TMOD4: variants seen among roughly 807,000 people sequenced by gnomAD.
TMOD4 encodes tropomodulin 4.
In TMOD4, 34 loss-of-function variants were observed where a neutral mutation model predicts 45.4. The observed-to-expected ratio is 0.75, with a 90% CI of 0.57 to 1.00. The LOEUF (loss-of-function observed/expected upper bound fraction) is 1.00, where lower values mean the gene tolerates loss of function less well. TMOD4 is among the 50% of genes least tolerant of loss of function. The pLI is 0.00. For synonymous variants in TMOD4, 131 were observed against 153.9 expected (o/e 0.85, Z 1.10); for missense variants, 399 against 437.5 (o/e 0.91, Z 0.78).
intron 4 of TMOD4, among the ~76,000 whole-genome samples, chr1:151,173,111 G>A (rs1028476403): frequency 1.3e-5 from 2 of 151,958 alleles, no homozygotes; most frequent in Non-Finnish European, 2.9e-5. Context: ...GTGAGCCACC[G>A]CACCCGGCCA....
chr1:151,172,052 T>C (rs760378130), intron 5 of TMOD4, among the ~76,000 whole-genome samples: 3 of 152,128 alleles, frequency 2.0e-5, no homozygotes, highest in Non-Finnish European at 4.4e-5. Flanking sequence ...CAGGCTGGTC[T>C]TGAACTCCTG....
rs1287766252 is a variant in TMOD4, at chr1:151,171,020, A to G, written c.770T>C (p.Leu257Pro). The change falls in exon 8 of 10, where the codon CTA (leucine) becomes CCA (proline). Residue 257 changes from leucine to proline, a missense_variant. Coordinates refer to ENST00000295314, the MANE Select transcript of TMOD4 (RefSeq NM_013353.3). ...GCTAATGAAGTTGGATTCGATGTTT[A>G]GGCTCTGGAGGCTACGATTCTCACG... ...MLRENRSLQS[L>P]NIESNFISST... is the part of the protein sequence containing the mutation. 3 of 1,614,164 alleles carry G rather than the reference A, an allele frequency of 1.9e-6. No individual in the cohort carries two copies. In the South Asian group the frequency reaches 3.3e-5, roughly 18 times the overall value.
At chr1:151,174,359 T>C (rs1199174716) in intron 3 of TMOD4, 32 bp downstream of exon 3, 8 of 1,605,998 alleles carry the variant, frequency 5.0e-6, no homozygotes, top group Non-Finnish European at 6.8e-6. Flanking sequence ...CCACTTGGGT[T>C]CTACGAGGCA....
At position 151,172,162 on chromosome 1, in the gene TMOD4, G is replaced by C; in HGVS notation, c.487+106C>G. 8 of 938,598 alleles carry C rather than the reference G, an allele frequency of 8.5e-6. No individual in the cohort carries two copies. In the South Asian group the frequency reaches 1.2e-4, roughly 14 times the overall value. The allele number at this position is 938,598 out of a possible 1,614,324, so 58.1% of individuals were successfully genotyped here. A position where few individuals can be genotyped will look rare whatever the true frequency, so the allele number is the denominator to read the frequency against. ...CACAGGTTTTCTTATCACTCATGCA[G>C]CATGTCCTCTCCCAGAATCATCAAT... On this transcript the variant is annotated intron_variant, in intron 5 of 9. Coordinates refer to ENST00000295314, the MANE Select transcript of TMOD4 (RefSeq NM_013353.3).
chr1:151,171,604 T>C (rs1450517409), intron 6 of TMOD4, 29 bp downstream of exon 6: 10 of 1,614,040 alleles, frequency 6.2e-6, no homozygotes, highest in African/African-American at 5.3e-5. Flanking sequence ...TTATCCGGTG[T>C]TATGGTTTGG....
intron 9 of TMOD4, 40 bp from the exon 10 acceptor site, chr1:151,170,143 C>G: frequency 1.2e-6 from 2 of 1,613,560 alleles, no homozygotes; most frequent in South Asian, 2.2e-5. Flanking sequence ...TTTGTTCCAG[C>G]TCCTGCTTTC....
intron 3 of TMOD4, among the ~76,000 whole-genome samples, chr1:151,174,012 G>A (rs953694942): frequency 5.3e-5 from 8 of 152,034 alleles, no homozygotes; most frequent in Admixed American, 1.3e-4. Flanking sequence ...TCAGGAGATC[G>A]AGACCATCCT....
chr1:151,170,769 G>A, intron 8 of TMOD4, 106 bp from the exon 9 acceptor site: 1 of 1,526,058 alleles, frequency 6.6e-7, no homozygotes, highest in Non-Finnish European at 8.9e-7. Flanking sequence ...TCTCCACAGT[G>A]GGTGAAGAGA....
At chr1:151,173,056 C>T (rs1684006492) in intron 4 of TMOD4, among the ~76,000 whole-genome samples, 1 of 152,006 alleles carries the variant, frequency 6.6e-6, no homozygotes, top group African/African-American at 2.4e-5. Flanking sequence ...CTCCTGACCT[C>T]GTGATCCACC....
rs780042674 is a variant in TMOD4 at position 151,174,516 on chromosome 1, CGTT to C, written c.152_154del (p.Gln51del). 1 of 1,614,134 alleles carries C rather than the reference CGTT, an allele frequency of 6.2e-7. No individual in the cohort carries two copies. The highest frequency in any genetic ancestry group is 1.1e-5 in the South Asian group (1 of 91,082). ...CGTTGGGCTCTTCTTTGTCTGGTCA[CGTT>C]GTCTTAGTCCAGCTGGCAGGAGCAT... On this transcript the variant is annotated inframe_deletion, in exon 3 of 10. Transcript: ENST00000295314.
chr1:151,175,166 G>A (rs182105186), intron 1 of TMOD4: 82 of 362,778 alleles, frequency 2.3e-4, no homozygotes, highest in African/African-American at 1.6e-3. Context: ...GTCTTCCCAC[G>A]GTATGACAGA....
At chr1:151,172,457 C>A (rs1009671432) in intron 4 of TMOD4, 100 bp from the exon 5 acceptor site, 6 of 926,042 alleles carry the variant, frequency 6.5e-6, no homozygotes, top group African/African-American at 1.6e-5. Context: ...TAAAGCCTGA[C>A]CACTTACACT....
At chr1:151,172,872 A>G (rs965108231) in intron 4 of TMOD4, among the ~76,000 whole-genome samples, 4 of 151,744 alleles carry the variant, frequency 2.6e-5, no homozygotes, top group African/African-American at 9.7e-5. Context: ...CCCAGGCTGG[A>G]GTGCAGTGGC....
chr1:151,172,420 T>TA (rs1287456978), intron 4 of TMOD4, 63 bp from the exon 5 acceptor site: 56 of 1,284,644 alleles, frequency 4.4e-5, no homozygotes, highest in Non-Finnish European at 6.0e-5. Context: ...GCCTCCCTCC[T>TA]ACCTATTTCT....
Position 151,170,952 on chromosome 1 carries a change from C to T in TMOD4, c.838G>A (p.Ala280Thr). The part of the protein sequence containing the change: ...MAVLKAVREN[A>T]TLTELRVDNQ... ...TCTACACGGAGCTCAGTGAGTGTGG[C>T]ATTTTCCCGAACTGCCTTCAGCACA... is the stretch of plus-strand genomic sequence containing the variant. The change falls in exon 8 of 10, where the codon GCC (alanine) becomes ACC (threonine). Residue 280 changes from alanine to threonine, a missense_variant. Coordinates refer to ENST00000295314, the MANE Select transcript of TMOD4 (RefSeq NM_013353.3). The T allele has an allele frequency of 6.2e-7, 1 of 1,614,168 alleles. No homozygotes were observed. The highest frequency in any genetic ancestry group is 8.5e-7 in the Non-Finnish European group (1 of 1,180,034).
rs770289499 is a variant in TMOD4 at position 151,174,865 on chromosome 1, TATG to T, written c.8_10del (p.Ser3del). ...TCTGTATTTCTCCAGTTCCTTCTGA[TATG>T]ATGACATGGTGGCCCCCACCCCCTC... On this transcript the variant is annotated inframe_deletion, in exon 2 of 10. Coordinates refer to ENST00000295314, the MANE Select transcript of TMOD4 (RefSeq NM_013353.3). 25 of 1,614,228 alleles carry T rather than the reference TATG, an allele frequency of 1.5e-5. No homozygotes were observed. In the East Asian group the frequency reaches 5.6e-4, roughly 36 times the overall value.
Position 151,170,115 on chromosome 1 carries a change from C to T in TMOD4, c.1016-12G>A, listed in dbSNP as rs771308640. ...CTTTTGCTGGCGACCTGTAAAGGAG[C>T]AATATTAAACATAAGTGTTTGTTCC... On this transcript the variant is annotated splice_polypyrimidine_tract_variant and intron_variant, in intron 9 of 9. Coordinates refer to ENST00000295314, the MANE Select transcript of TMOD4 (RefSeq NM_013353.3). The T allele has an allele frequency of 1.9e-6, 3 of 1,614,086 alleles. No individual in the cohort carries two copies. Among genetic ancestry groups the T allele is most frequent in the South Asian group, 2.2e-5 (2 of 91,070 alleles).
intron 2 of TMOD4, 60 bp from the exon 3 acceptor site, chr1:151,174,607 G>C: frequency 6.2e-7 from 1 of 1,600,690 alleles, no homozygotes; most frequent in Non-Finnish European, 8.5e-7. Flanking sequence ...TACTGCTAGG[G>C]CTCCCTAAAA....
chr1:151,170,558 C>G lies in TMOD4; in HGVS notation c.976G>C (p.Ala326Pro), dbSNP rs1415461588. 1.2e-6 allele frequency: 2 copies of G among 1,614,222 alleles called. No individual in the cohort carries two copies. Among genetic ancestry groups the G allele is most frequent in the South Asian group, 2.2e-5 (2 of 91,086 alleles). ...CGGGTCATGGCCTGGGCTGCCCGAGCTCGTGGCCCCTGCTGTGTAAAGTGG... is the reference window on the plus strand; with the variant it reads ...CGGGTCATGGCCTGGGCTGCCCGAGGTCGTGGCCCCTGCTGTGTAAAGTGG... Reference protein sequence around the residue: ...GYHFTQQGPRARAAQAMTRNN... With the variant: ...GYHFTQQGPRPRAAQAMTRNN... The change falls in exon 9 of 10, where the codon GCT (alanine) becomes CCT (proline). Residue 326 changes from alanine (A) to proline (P), a missense_variant. Ala to Pro is a conservative substitution (Grantham distance 27). Transcript: ENST00000295314.
Sources: allele counts gnomAD v4.1 joint callset (sites outside exome capture counted in the v4.1 genomes callset), GRCh38; gene constraint gnomAD v4.1.1; transcripts MANE v1.5; gene names NCBI Gene and HGNC (gene_info 2026-07-23, HGNC 2026-07-21).